Variants in RPH3A observed in about 807,000 individuals in gnomAD.
The protein encoded by RPH3A is rabphilin 3A.
A neutral mutation model predicts 102.2 loss-of-function variants in RPH3A; 48 were observed. The ratio of observed to expected loss-of-function variants is 0.47; its 90% confidence interval spans 0.37 to 0.60. The LOEUF is 0.60. Ranked by LOEUF, RPH3A falls within the 20% of genes least tolerant of loss-of-function variation. The probability of loss-of-function intolerance (pLI) is 0.00; values close to 1 mark genes in which losing one functional copy is unlikely to be tolerated. For missense variants in RPH3A, 781 were observed against 910.1 expected, an observed-to-expected ratio of 0.86 and a Z score of 1.83; for synonymous variants, 310 against 324.3, an observed-to-expected ratio of 0.96 and a Z score of 0.47.
At chr12:112,583,344 G>A (rs987621106) in intron 1 of RPH3A, among the ~76,000 whole-genome samples, 2 of 152,262 alleles carry the variant, frequency 1.3e-5, no homozygotes, top group Non-Finnish European at 2.9e-5. Context: ...AGGAAACTGA[G>A]GCACAGAAAA....
rs549990520 is a variant in RPH3A, at chr12:112,674,028, G to C, written c.-140+98709G>C. On this transcript the variant is annotated intron_variant, in intron 1 of 21. Transcript: ENST00000543106. ...CCCACCTCAGCCTTCCAAAGTGCTGGAATTACAGGTGTGAGGCACAGCACT... is the reference window on the plus strand; with the variant it reads ...CCCACCTCAGCCTTCCAAAGTGCTGCAATTACAGGTGTGAGGCACAGCACT... Among the ~76,000 whole-genome samples the C allele has an allele frequency of 2.6e-4, 40 of 152,256 alleles. No individual in the cohort carries two copies. In the South Asian group the frequency reaches 7.9e-3, roughly 30 times the overall value.
intron 1 of RPH3A, among the ~76,000 whole-genome samples, chr12:112,684,830 A>G (rs562447967): frequency 1.3e-5 from 2 of 152,206 alleles, no homozygotes; most frequent in Admixed American, 1.3e-4. Flanking sequence ...TATTGCTCAC[A>G]GGTCTGTAGG....
chr12:112,869,944 G>A lies in RPH3A; in HGVS notation c.701G>A (p.Arg234His), dbSNP rs746482059. The change falls in exon 10 of 22, where the codon CGC becomes CAC. Residue 234 changes from arginine (R) to histidine (H), a missense_variant. Around this residue, in one of 2 missense-constraint regions of RPH3A, gnomAD observed 730 missense variants for 810.0 expected, o/e 0.90. Coordinates refer to ENST00000389385, the MANE Select transcript of RPH3A (RefSeq NM_001143854.2). Reference sequence around the variant, plus strand: ...CGAGGAAACTATGGGCCTCCCGTGCGCAGGGCCTCCGAGGCACGAATGAGC... The same window carrying A: ...CGAGGAAACTATGGGCCTCCCGTGCACAGGGCCTCCGAGGCACGAATGAGC... ...PGRGNYGPPV[R>H]RASEARMSSS... 1.3e-5 allele frequency: 21 copies of A among 1,613,974 alleles called. No individual in the cohort carries two copies. Among genetic ancestry groups the A allele is most frequent in the South Asian group, 4.4e-5 (4 of 91,074 alleles).
At chr12:112,627,525 T>A (rs944064395) in intron 1 of RPH3A, among the ~76,000 whole-genome samples, 21 of 151,728 alleles carry the variant, frequency 1.4e-4, no homozygotes, top group Admixed American at 1.4e-3. Context: ...ACTCTTTATG[T>A]TTATATTATA....
At chr12:112,733,186 T>G (rs887869012) in intron 1 of RPH3A, among the ~76,000 whole-genome samples, 3 of 152,024 alleles carry the variant, frequency 2.0e-5, no homozygotes, top group Non-Finnish European at 4.4e-5. Context: ...TGCACAGATT[T>G]GCACACACAC....
chr12:112,694,182 G>A (rs1485345040), intron 1 of RPH3A, among the ~76,000 whole-genome samples: 4 of 152,090 alleles, frequency 2.6e-5, no homozygotes, highest in African/African-American at 4.8e-5. Flanking sequence ...ATCTTCCTTC[G>A]CAACACCGCC....
At chr12:112,806,877 G>A (rs1367308891) in intron 2 of RPH3A, among the ~76,000 whole-genome samples, 1 of 152,090 alleles carries the variant, frequency 6.6e-6, no homozygotes, top group Non-Finnish European at 1.5e-5. Context: ...AATTCACAAA[G>A]AAATTTGACC....
chr12:112,750,708 T>C (rs776300916), intron 1 of RPH3A, among the ~76,000 whole-genome samples: 43 of 152,294 alleles, frequency 2.8e-4, no homozygotes, highest in South Asian at 2.1e-4. Context: ...ATGTCTTTCC[T>C]ATTTAGCTTT....
chr12:112,879,953 T>C (rs1178118027), intron 14 of RPH3A, among the ~76,000 whole-genome samples: 1 of 152,186 alleles, frequency 6.6e-6, no homozygotes, highest in Non-Finnish European at 1.5e-5. Flanking sequence ...ATAATAGTAG[T>C]GTATCTCCCA....
chr12:112,844,984 G>T (rs2042205756), intron 4 of RPH3A, among the ~76,000 whole-genome samples: 1 of 152,192 alleles, frequency 6.6e-6, no homozygotes, highest in Non-Finnish European at 1.5e-5. Context: ...CCCTCCACGT[G>T]GGCCTCTCCA....
At chr12:112,815,089 C>T (rs1480992888) in intron 2 of RPH3A, among the ~76,000 whole-genome samples, 1 of 152,158 alleles carries the variant, frequency 6.6e-6, no homozygotes, top group Non-Finnish European at 1.5e-5. Context: ...CCCAGCCTGT[C>T]TCTCCTCCCT....
In RPH3A at chr12:112,876,652, G is replaced by A. The variant is rs140784190; in HGVS notation, c.957G>A (p.Pro319=). 1,137 of 1,606,650 alleles carry A rather than the reference G, an allele frequency of 7.1e-4. 14 individuals carry two copies. In the African/African-American group the frequency reaches 0.012, roughly 17 times the overall value. Reference sequence around the variant, plus strand: ...CTTATCTCCCTGCAGAGGTGGCTCCGAGCGACCCTGGGACCACTGCCCCAC... The same window carrying A: ...CTTATCTCCCTGCAGAGGTGGCTCCAAGCGACCCTGGGACCACTGCCCCAC... ...RFPDQKPEVA[P]SDPGTTAPPR... is the part of the protein sequence containing the mutation. Residue 319 remains proline (P), a synonymous_variant, in exon 13 of 22, where the codon CCG becomes CCA. Coordinates refer to ENST00000389385, the MANE Select transcript of RPH3A (RefSeq NM_001143854.2).
intron 2 of RPH3A, among the ~76,000 whole-genome samples, chr12:112,827,145 T>C (rs1848804573): frequency 6.6e-6 from 1 of 152,096 alleles, no homozygotes; most frequent in African/African-American, 2.4e-5. Context: ...TCTCACAGAG[T>C]TGTGGATCCA....
intron 1 of RPH3A, among the ~76,000 whole-genome samples, chr12:112,717,181 T>C (rs1246099619): frequency 6.6e-6 from 1 of 152,204 alleles, no homozygotes; most frequent in East Asian, 1.9e-4. Context: ...TATTTCTAAA[T>C]TTATAGATAG....
At chr12:112,875,881 T>C (rs1431087066) in intron 12 of RPH3A, 140 bp downstream of exon 12, 4 of 633,536 alleles carry the variant, frequency 6.3e-6, no homozygotes, top group African/African-American at 5.6e-5. Context: ...CTCCCCCGAG[T>C]CTAAAACTTT....
chr12:112,760,749 A>T (rs1310187572), intron 1 of RPH3A, among the ~76,000 whole-genome samples: 12 of 152,218 alleles, frequency 7.9e-5, no homozygotes, highest in Admixed American at 7.9e-4. Flanking sequence ...GGAAGAAAAG[A>T]TGGCAAATCC....
chr12:112,631,913 G>C (rs1416583784), intron 1 of RPH3A, among the ~76,000 whole-genome samples: 1 of 152,166 alleles, frequency 6.6e-6, no homozygotes, highest in Non-Finnish European at 1.5e-5. Context: ...TAGTGTATCT[G>C]TTGCTTGAAT....
At chr12:112,630,109 C>T (rs763423829) in intron 1 of RPH3A, among the ~76,000 whole-genome samples, 1 of 152,050 alleles carries the variant, frequency 6.6e-6, no homozygotes. Flanking sequence ...TCTGCCTAAC[C>T]ACTCATCTAC....
At chr12:112,620,931 C>A (rs1378108016) in intron 1 of RPH3A, among the ~76,000 whole-genome samples, 3 of 152,206 alleles carry the variant, frequency 2.0e-5, no homozygotes, top group African/African-American at 4.8e-5. Context: ...CCGGGGCCAA[C>A]TCACTGCCAG....
Sources: allele counts gnomAD v4.1 joint callset (sites outside exome capture counted in the v4.1 genomes callset), GRCh38; gene constraint gnomAD v4.1.1; regional missense constraint gnomAD v4.1.1; transcripts MANE v1.5; gene names NCBI Gene and HGNC (gene_info 2026-07-23, HGNC 2026-07-21).